Variants in MLIP observed in about 807,000 individuals in gnomAD.
The protein encoded by MLIP is muscular LMNA-interacting protein.
MLIP carries 79 observed loss-of-function variants against 84.8 expected under a neutral mutation model. The ratio of observed to expected loss-of-function variants is 0.93; its 90% CI spans 0.78 to 1.12. MLIP has a LOEUF of 1.12. MLIP is among the 50% of genes most tolerant of loss of function. The pLI, the probability that MLIP is intolerant of heterozygous loss-of-function variation, is 0.00. For missense variants in MLIP, 1,257 were observed against 1,160.6 expected (o/e 1.08, Z -1.21); for synonymous variants, 504 against 463.0 (o/e 1.09, Z -1.14).
intron 5 of MLIP, among the ~76,000 whole-genome samples, chr6:54,152,179 A>T (rs1220787118): frequency 1.3e-5 from 2 of 152,160 alleles, no homozygotes; most frequent in Non-Finnish European, 2.9e-5. Context: ...ACCTCCTGCC[A>T]ATAATCATCT....
intron 11 of MLIP, among the ~76,000 whole-genome samples, chr6:54,228,358 C>T (rs1007783273): frequency 5.3e-5 from 8 of 152,232 alleles, no homozygotes; most frequent in African/African-American, 1.7e-4. Context: ...AATATTGAAG[C>T]TGTAACCACT....
intron 1 of MLIP, among the ~76,000 whole-genome samples, chr6:54,062,401 T>A (rs375147005): frequency 1.4e-4 from 21 of 152,244 alleles, no homozygotes; most frequent in Admixed American, 4.6e-4. Flanking sequence ...TGTTTTGGGA[T>A]GTTTTAAGGG....
chr6:54,137,853 C>G lies in MLIP; in HGVS notation c.1784C>G (p.Ser595Cys). The G allele has an allele frequency of 6.5e-7, 1 of 1,536,120 alleles. No individual in the cohort carries two copies. Among genetic ancestry groups the G allele is most frequent in the Non-Finnish European group, 8.7e-7 (1 of 1,146,906 alleles). ...TLASSALSSL[S>C]PPINQRATFS... The stretch of plus-strand genomic sequence containing the variant: ...GCCTCCTCTGCATTATCTTCTCTAT[C>G]TCCTCCTATTAATCAAAGAGCTACG... The change falls in exon 4 of 14, where the codon TCT becomes TGT. Residue 595 changes from serine to cysteine, a missense_variant. By Grantham distance (112) the Ser-to-Cys change is moderately radical (BLOSUM62 -1). Transcript: ENST00000502396.
chr6:54,238,554 G>C (rs1001479301), intron 12 of MLIP, among the ~76,000 whole-genome samples: 1 of 152,144 alleles, frequency 6.6e-6, no homozygotes, highest in Non-Finnish European at 1.5e-5. Context: ...ACTCTGCCAA[G>C]TTTGCACCAG....
Position 54,121,454 on chromosome 6 carries a change from C to G in MLIP, c.104C>G (p.Ala35Gly). Residue 35 changes from alanine to glycine, a missense_variant, in exon 2 of 14, where the codon GCT (alanine) becomes GGT (glycine). Physicochemically the swap from Ala to Gly is moderately conservative, Grantham distance 60 (BLOSUM62 0). Transcript: ENST00000502396. ...GSIQTTPQVS[A>G]GGSEAKPLIF... ...TAACTACATGTCTCATAGGTCTCTG[C>G]TGGTGGTTCTGAAGCCAAACCTCTG... 2 of 1,613,988 alleles carry G rather than the reference C, an allele frequency of 1.2e-6. No homozygotes were observed. The highest frequency in any genetic ancestry group is 2.2e-5 in the South Asian group (2 of 91,048).
intron 3 of MLIP, among the ~76,000 whole-genome samples, chr6:54,129,755 A>C (rs1430427341): frequency 1.3e-5 from 2 of 152,202 alleles, no homozygotes; most frequent in East Asian, 3.9e-4. Context: ...TGGGAGGTGA[A>C]GTGTTCATGG....
intron 8 of MLIP, among the ~76,000 whole-genome samples, chr6:54,169,050 G>T (rs1463118246): frequency 6.6e-6 from 1 of 151,768 alleles, no homozygotes; most frequent in Non-Finnish European, 1.5e-5. Context: ...GAGAAATGAA[G>T]ATGGTGGATA....
At chr6:54,252,289 TTATACCATATAATATATAA>T (rs1782667139) in intron 12 of MLIP, among the ~76,000 whole-genome samples, 2 of 116,180 alleles carry the variant, frequency 1.7e-5, no homozygotes, top group African/African-American at 3.6e-5. Flanking sequence ...CTATAATATA[TTATACCATATAATATATAA>T]TATAACTATA....
At chr6:54,181,153 G>A (rs1188806268) in intron 9 of MLIP, among the ~76,000 whole-genome samples, 1 of 152,126 alleles carries the variant, frequency 6.6e-6, no homozygotes, top group South Asian at 2.1e-4. Context: ...ACAGGGTTTA[G>A]AGTCAAAAAC....
chr6:54,202,319 T>TCA, intron 11 of MLIP, 86 bp downstream of exon 11: 1 of 724,182 alleles, frequency 1.4e-6, no homozygotes, highest in Non-Finnish European at 1.8e-6. Flanking sequence ...TATATTTTGA[T>TCA]AAATATAAAA....
intron 9 of MLIP, among the ~76,000 whole-genome samples, chr6:54,188,199 A>T (rs1777583442): frequency 6.6e-6 from 1 of 152,220 alleles, no homozygotes; most frequent in African/African-American, 2.4e-5. Context: ...GTTAGTGGTG[A>T]GTGAATGTGA....
rs79618437 is a variant in MLIP, at chr6:54,158,388, G to A, written c.2290-1979G>A. Among the ~76,000 whole-genome samples, 969 of 152,102 alleles carry A rather than the reference G, an allele frequency of 6.4e-3. 6 individuals carry two copies. The highest frequency in any genetic ancestry group is 0.02 in the Middle Eastern group (6 of 294). On this transcript the variant is annotated intron_variant, in intron 5 of 13. Transcript: ENST00000502396. Reference sequence around the variant, plus strand: ...ACCAGAACATATATATTCAAGCGACGATATTTCTCTTGAAAATAACTGTCT... The same window carrying A: ...ACCAGAACATATATATTCAAGCGACAATATTTCTCTTGAAAATAACTGTCT...
intron 11 of MLIP, among the ~76,000 whole-genome samples, chr6:54,224,186 C>A (rs1780416899): frequency 6.6e-6 from 1 of 151,254 alleles, no homozygotes; most frequent in Non-Finnish European, 1.5e-5. Context: ...GAAAAAAGTG[C>A]AAAATAGCAA....
At position 54,137,390 on chromosome 6, in the gene MLIP, C is replaced by G. The variant is rs1244991033; in HGVS notation, c.1321C>G (p.Leu441Val). The G allele has an allele frequency of 1.3e-6, 2 of 1,536,144 alleles. No homozygotes were observed. Among genetic ancestry groups the G allele is most frequent in the Non-Finnish European group, 1.7e-6 (2 of 1,146,894 alleles). Reference sequence around the variant, plus strand: ...CCCTGCATCCTGTCCCACCTTCTCTCTCAACTCCCCGGCCTCTTCCACGCT... The same window carrying G: ...CCCTGCATCCTGTCCCACCTTCTCTGTCAACTCCCCGGCCTCTTCCACGCT... ...FSPASCPTFS[L>V]NSPASSTLTL... Residue 441 changes from leucine (L) to valine (V), a missense_variant, in exon 4 of 14, where the codon CTC (leucine) becomes GTC (valine). Transcript: ENST00000502396.
In MLIP at chr6:54,226,322, C is replaced by T. The variant is rs569308161; in HGVS notation, c.2719-4392C>T. Among the ~76,000 whole-genome samples, 7 of 152,264 alleles carry T rather than the reference C, an allele frequency of 4.6e-5. No homozygotes were observed. In the East Asian group the frequency reaches 9.6e-4, roughly 21 times the overall value. On this transcript the variant is annotated intron_variant, in intron 11 of 13. Coordinates refer to ENST00000502396, the MANE Select transcript of MLIP (RefSeq NM_001281747.2). ...ATGCTATAAGGGGTTAATGCCGACCCGCACTGTCTCTTCTATTCACATCTC... is the reference window on the plus strand; with the variant it reads ...ATGCTATAAGGGGTTAATGCCGACCTGCACTGTCTCTTCTATTCACATCTC...
chr6:54,071,808 A>G (rs972312096), intron 1 of MLIP, among the ~76,000 whole-genome samples: 1 of 152,178 alleles, frequency 6.6e-6, no homozygotes, highest in Admixed American at 6.5e-5. Flanking sequence ...AGGAAAAAAG[A>G]GAGAGAAATG....
At chr6:54,207,146 T>G (rs2150729624) in intron 11 of MLIP, among the ~76,000 whole-genome samples, 1 of 152,172 alleles carries the variant, frequency 6.6e-6, no homozygotes, top group East Asian at 1.9e-4. Flanking sequence ...ATGTTTTTTT[T>G]TTTTAATTTA....
chr6:54,108,937 G>C (rs1409575700), upstream of MLIP, among the ~76,000 whole-genome samples: 1 of 151,736 alleles, frequency 6.6e-6, no homozygotes, highest in Non-Finnish European at 1.5e-5. Context: ...AATCTGGACT[G>C]TCACTTCTTC....
At chr6:54,183,339 G>A (rs148710848) in intron 9 of MLIP, among the ~76,000 whole-genome samples, 50 of 152,298 alleles carry the variant, frequency 3.3e-4, no homozygotes, top group Middle Eastern at 3.4e-3. Context: ...AATTCCACTA[G>A]ACTGATCATT....
Sources: gnomAD v4.1 joint callset for allele counts (sites outside exome capture counted in the v4.1 genomes callset) on GRCh38, gnomAD v4.1.1 for gene constraint, MANE v1.5 for transcripts, NCBI Gene and HGNC (gene_info 2026-07-23, HGNC 2026-07-21) for gene names.